NEB: variants seen among roughly 807,000 people sequenced by gnomAD.
NEB encodes the protein nebulin.
NEB carries 512 observed loss-of-function variants against 952.2 expected under a neutral mutation model. That is an observed-to-expected ratio of 0.54 (90% CI 0.50 to 0.58). NEB has a LOEUF of 0.58. NEB is among the 20% of genes least tolerant of loss of function. The probability of loss-of-function intolerance (pLI) is 0.00; values close to 1 mark genes in which losing one functional copy is unlikely to be tolerated. For synonymous variants in NEB, 2,900 were observed against 3,149.8 expected (o/e 0.92, Z 2.66); for missense variants, 8,428 against 9,231.1 (o/e 0.91, Z 3.56).
intron 20 of NEB, among the ~76,000 whole-genome samples, chr2:151,693,874 G>A (rs1043664887): frequency 6.6e-6 from 1 of 151,958 alleles, no homozygotes; most frequent in African/African-American, 2.4e-5. Context: ...CTTTGCTTTT[G>A]AGTTTATGCC....
Position 151,525,828 on chromosome 2 carries a change from A to G in NEB, c.22161+130T>C, listed in dbSNP as rs1559540890. On this transcript the variant is annotated intron_variant, in intron 150 of 181. Coordinates refer to ENST00000397345, the MANE Select transcript of NEB (RefSeq NM_001164508.2). The stretch of plus-strand genomic sequence containing the variant: ...GTCATTTTAAAAGTCAGAGTTTAAG[A>G]TTCACATGTAGATATTGATGGTAAG... 1.1e-5 allele frequency: 9 copies of G among 782,640 alleles called. No individual in the cohort carries two copies. In the Middle Eastern group the frequency reaches 1.4e-3, roughly 125 times the overall value. 48.5% of individuals were successfully genotyped at this position (782,640 alleles called of 1,614,324 possible).
rs549685288 is a variant in NEB at position 151,664,340 on chromosome 2, T to C, written c.5451+161A>G. ...TTACATTAAATAATGAACAGATGAT[T>C]AGAGGGTACTTGGATGGGGTGAAGG... On this transcript the variant is annotated intron_variant, in intron 44 of 181. Transcript: ENST00000397345. 1.1e-3 allele frequency among the ~76,000 whole-genome samples: 161 copies of C among 152,354 alleles called. 2 individuals carry two copies. Among genetic ancestry groups the C allele is most frequent in the African/African-American group, 3.3e-3 (139 of 41,590 alleles).
At chr2:151,492,025 T>C in intron 178 of NEB, 73 bp downstream of exon 178, 2 of 1,450,084 alleles carry the variant, frequency 1.4e-6, no homozygotes, top group Non-Finnish European at 1.9e-6. Context: ...TGACTTGATG[T>C]AGGTAATGCT....
In NEB at chr2:151,627,508, A is replaced by C. The variant is rs1396952160; in HGVS notation, c.10143+15T>G. 6.2e-7 allele frequency: 1 copy of C among 1,611,572 alleles called. No homozygotes were observed. The highest frequency in any genetic ancestry group is 1.3e-5 in the African/African-American group (1 of 74,886). ...ACTATTATGAGCACAGTTACCATGG[A>C]TCTTAATTACTCACATCGCTCTGGA... On this transcript the variant is annotated intron_variant, in intron 69 of 181. Coordinates refer to ENST00000397345, the MANE Select transcript of NEB (RefSeq NM_001164508.2).
chr2:151,679,690 G>GT, intron 32 of NEB, 31 bp downstream of exon 32: 5 of 491,246 alleles, frequency 1.0e-5, no homozygotes, highest in South Asian at 1.6e-5. Context: ...ACATTTTCTA[G>GT]TTGCCCATGT....
intron 153 of NEB, among the ~76,000 whole-genome samples, chr2:151,520,490 C>A (rs1451894876): frequency 6.6e-6 from 1 of 152,138 alleles, no homozygotes; most frequent in African/African-American, 2.4e-5. Flanking sequence ...AAGCACAATG[C>A]CTTGCACTAA....
At chr2:151,710,980 T>G (rs879335278) in intron 10 of NEB, among the ~76,000 whole-genome samples, 8 of 152,196 alleles carry the variant, frequency 5.3e-5, no homozygotes, top group South Asian at 2.1e-4. Context: ...AAAATTCAAC[T>G]TGCAGGCTAA....
intron 124 of NEB, 39 bp downstream of exon 124, chr2:151,560,553 G>T: frequency 6.8e-7 from 1 of 1,468,334 alleles, no homozygotes. Flanking sequence ...GGGGAGGGGA[G>T]GGAGGGTGGG....
rs1577833924 is a variant in NEB at position 151,723,381 on chromosome 2, C to T, written c.717+1G>A. On this transcript the variant is annotated splice_donor_variant, in intron 9 of 181. Coordinates refer to ENST00000397345, the MANE Select transcript of NEB (RefSeq NM_001164508.2). LOFTEE classifies it high-confidence loss of function. ...AGTGGTGCCACTTGCATTTCACTTA[C>T]ATCACTGAGAGCTTTCTGGGCCTGG... 1 of 1,603,388 alleles carries T rather than the reference C, an allele frequency of 6.2e-7. No individual in the cohort carries two copies. Among genetic ancestry groups the T allele is most frequent in the Non-Finnish European group, 8.5e-7 (1 of 1,174,452 alleles).
At chr2:151,619,221 G>A (rs138442208) in intron 73 of NEB, among the ~76,000 whole-genome samples, 2 of 152,318 alleles carry the variant, frequency 1.3e-5, no homozygotes, top group Admixed American at 6.5e-5. Context: ...TCCCTAGGAA[G>A]ATTTATACCT....
At position 151,643,302 on chromosome 2, in the gene NEB, T is replaced by TAGTC; in HGVS notation, c.8004_8007dup (p.Ser2670AspfsTer2). 1 of 1,613,942 alleles carries TAGTC rather than the reference T, an allele frequency of 6.2e-7. No homozygotes were observed. The highest frequency in any genetic ancestry group is 8.5e-7 in the Non-Finnish European group (1 of 1,179,842). On this transcript the variant is annotated frameshift_variant, in exon 58 of 182. Coordinates refer to ENST00000397345, the MANE Select transcript of NEB (RefSeq NM_001164508.2). LOFTEE classifies it high-confidence loss of function. Reference sequence around the variant, plus strand: ...TTTTTCTCATCCTCGAGAGAACCACTAGTCATCCAGCCAATGCCTTTTAGC... The same window carrying TAGTC: ...TTTTTCTCATCCTCGAGAGAACCACTAGTCAGTCATCCAGCCAATGCCTTTTAGC...
At chr2:151,651,402 A>G (rs574195456) in intron 52 of NEB, among the ~76,000 whole-genome samples, 1 of 152,348 alleles carries the variant, frequency 6.6e-6, no homozygotes, top group South Asian at 2.1e-4. Context: ...AGGAAGATAC[A>G]TGACTAAGTA....
intron 131 of NEB, 97 bp from the exon 132 acceptor site, chr2:151,547,835 G>A (rs2094898922): frequency 2.6e-6 from 2 of 780,044 alleles, no homozygotes. Flanking sequence ...AAGGAAGAGG[G>A]GAGGAAATAT....
intron 154 of NEB, 118 bp from the exon 155 acceptor site, chr2:151,519,187 A>T: frequency 1.4e-6 from 1 of 736,378 alleles, no homozygotes; most frequent in Non-Finnish European, 2.4e-6. Flanking sequence ...ATGAAAAATC[A>T]TACCTCATTC....
intron 142 of NEB, among the ~76,000 whole-genome samples, chr2:151,534,544 A>G (rs865812479): frequency 2.6e-5 from 4 of 152,328 alleles, no homozygotes; most frequent in Middle Eastern, 3.4e-3. Flanking sequence ...CCAAAATTAG[A>G]GTTCCTTGTG....
At chr2:151,679,111 T>C (rs2099395727) in intron 32 of NEB, among the ~76,000 whole-genome samples, 1 of 152,066 alleles carries the variant, frequency 6.6e-6, no homozygotes, top group Admixed American at 6.5e-5. Context: ...CCTCGGAGAC[T>C]CCACAGAAAT....
rs1370541435 is a variant in NEB, at chr2:151,568,123, G to A, written c.17792C>T (p.Pro5931Leu). The A allele has an allele frequency of 6.2e-7, 1 of 1,613,582 alleles. No homozygotes were observed. Among genetic ancestry groups the A allele is most frequent in the Admixed American group, 1.7e-5 (1 of 59,962 alleles). ...RQKATGYILP[P>L]DAVPFVHAHH... ...GGCATGAACAAATGGCACAGCATCT[G>A]GAGGCAAAATGTAACCTGTGGCTTT... The change falls in exon 113 of 182, where the codon CCA becomes CTA. Residue 5931 changes from proline to leucine, a missense_variant. Around this residue, in one of 11 missense-constraint regions of NEB, gnomAD observed 3,374 missense variants for 3,651.5 expected, o/e 0.92. Transcript: ENST00000397345.
intron 147 of NEB, 27 bp downstream of exon 147, chr2:151,527,454 C>CAATCGTCT: frequency 6.5e-7 from 1 of 1,528,512 alleles, no homozygotes; most frequent in Non-Finnish European, 9.0e-7. Flanking sequence ...TATGCAGTTA[C>CAATCGTCT]AATCGTCTGT....
chr2:151,521,858 G>C (rs940650792), intron 153 of NEB, among the ~76,000 whole-genome samples: 1 of 152,112 alleles, frequency 6.6e-6, no homozygotes, highest in Admixed American at 6.5e-5. Flanking sequence ...AGCACTTTTG[G>C]CCTTCCTTTT....
Sources: allele counts gnomAD v4.1 joint callset (sites outside exome capture counted in the v4.1 genomes callset), GRCh38; gene constraint gnomAD v4.1.1; regional missense constraint gnomAD v4.1.1; transcripts MANE v1.5; gene names NCBI Gene and HGNC (gene_info 2026-07-23, HGNC 2026-07-21).